NOD2: variants seen among roughly 807,000 people sequenced by gnomAD.
The protein encoded by NOD2 is nucleotide binding oligomerization domain containing 2.
Under a neutral mutation model 90.9 loss-of-function variants are expected in NOD2, and 86 were observed. That is an observed-to-expected ratio of 0.95 (90% CI 0.79 to 1.13). The LOEUF (loss-of-function observed/expected upper bound fraction) is 1.13, where lower values mean the gene tolerates loss of function less well. NOD2 is among the 50% of genes most tolerant of loss of function. The pLI is 0.00. For synonymous variants in NOD2, 581 were observed against 554.6 expected (o/e 1.05, Z -0.67); for missense variants, 1,238 against 1,283.8 (o/e 0.96, Z 0.55).
At chr16:50,703,922 A>G (rs1354173460) in intron 2 of NOD2, among the ~76,000 whole-genome samples, 3 of 152,264 alleles carry the variant, frequency 2.0e-5, no homozygotes, top group South Asian at 2.1e-4. Context: ...CTGTGTCCGG[A>G]GGAAAATGGC....
chr16:50,710,040 G>A, intron 3 of NOD2: 1 of 456,012 alleles, frequency 2.2e-6, no homozygotes, highest in Non-Finnish European at 4.4e-6. Flanking sequence ...CAGAGACTGG[G>A]CTCCTGAGCC....
chr16:50,704,145 A>C (rs1687490205), intron 2 of NOD2, among the ~76,000 whole-genome samples: 1 of 152,218 alleles, frequency 6.6e-6, no homozygotes, highest in African/African-American at 2.4e-5. Context: ...CTGGACATCT[A>C]GGAGATAACT....
chr16:50,724,725 A>G (rs1469778553), intron 9 of NOD2, among the ~76,000 whole-genome samples: 1 of 152,260 alleles, frequency 6.6e-6, no homozygotes, highest in Non-Finnish European at 1.5e-5. Flanking sequence ...CAAAGTACAG[A>G]GGCAGTCTCA....
Position 50,697,807 on chromosome 16 carries a change from G to A in NOD2, c.-8-1681G>A, listed in dbSNP as rs8061316. 1,690 of 215,248 alleles carry A rather than the reference G, an allele frequency of 7.9e-3. 39 individuals are homozygous for A. The highest frequency in any genetic ancestry group is 0.037 in the African/African-American group (1,599 of 43,164). 13.3% of individuals were successfully genotyped at this position (215,248 alleles called of 1,614,324 possible). A position where few individuals can be genotyped will look rare whatever the true frequency, so the allele number is the denominator to read the frequency against. ...ACAGGGCCCCCTGTGCCCCAGCAGC[G>A]TTCTGAGAGATTGGAGCTTTCTCCT... On this transcript the variant is annotated intron_variant, in intron 1 of 11. Coordinates refer to ENST00000647318, the MANE Select transcript of NOD2 (RefSeq NM_001370466.1).
rs188746777 is a variant in NOD2 at position 50,726,555 on chromosome 16, C to T, written c.2885+983C>T. Among the ~76,000 whole-genome samples, 821 of 152,292 alleles carry T rather than the reference C, an allele frequency of 5.4e-3. 7 individuals are homozygous for T. The highest frequency in any genetic ancestry group is 8.7e-3 in the Non-Finnish European group (592 of 68,028). ...AGCCCGGATGTGTCTGAGCCAGATGCCAGCTTTGCACTGAGGGTCGGCCTT... is the reference window on the plus strand; with the variant it reads ...AGCCCGGATGTGTCTGAGCCAGATGTCAGCTTTGCACTGAGGGTCGGCCTT... On this transcript the variant is annotated intron_variant, in intron 10 of 11. Transcript: ENST00000647318.
At position 50,699,789 on chromosome 16, in the gene NOD2, C is replaced by T. The variant is rs764929082; in HGVS notation, c.294C>T (p.Pro98=). ...CCAAGCTGCATGGCTGCTGGGACCC[C>T]CACTCGCTCCACCCAGCCCGAGACC... ...QSPKLHGCWD[P]HSLHPARDLQ... is the part of the protein sequence containing the mutation. The change falls in exon 2 of 12, where the codon CCC becomes CCT. Residue 98 remains proline, a synonymous_variant. Coordinates refer to ENST00000647318, the MANE Select transcript of NOD2 (RefSeq NM_001370466.1). 5 of 1,613,774 alleles carry T rather than the reference C, an allele frequency of 3.1e-6. No homozygotes were observed. The highest frequency in any genetic ancestry group is 1.6e-4 in the Middle Eastern group (1 of 6,062).
chr16:50,716,070 G>A (rs1351618391), intron 4 of NOD2, among the ~76,000 whole-genome samples: 1 of 152,156 alleles, frequency 6.6e-6, no homozygotes, highest in Non-Finnish European at 1.5e-5. Flanking sequence ...TGCCATTGGG[G>A]TTAAGGACTG....
In NOD2 at chr16:50,711,957, G is replaced by T. The variant is rs149002807; in HGVS notation, c.1965G>T (p.Leu655Phe). 1.9e-4 allele frequency: 312 copies of T among 1,613,164 alleles called. No individual in the cohort carries two copies. The highest frequency in any genetic ancestry group is 1.8e-3 in the Middle Eastern group (11 of 6,058). ...QITAAFLAGL[L>F]SREHWGLLAE... ...CAGCAGCCTTCCTGGCAGGGCTGTTGTCCCGGGAGCACTGGGGCCTGCTGG... is the reference window on the plus strand; with the variant it reads ...CAGCAGCCTTCCTGGCAGGGCTGTTTTCCCGGGAGCACTGGGGCCTGCTGG... The change falls in exon 4 of 12, where the codon TTG (leucine) becomes TTT (phenylalanine). Residue 655 changes from leucine to phenylalanine, a missense_variant. Leu to Phe is a conservative substitution (Grantham distance 22). Coordinates refer to ENST00000647318, the MANE Select transcript of NOD2 (RefSeq NM_001370466.1).
intron 3 of NOD2, 94 bp downstream of exon 3, chr16:50,708,054 G>C: frequency 1.2e-6 from 1 of 864,764 alleles, no homozygotes; most frequent in South Asian, 1.3e-5. Context: ...CATCCCATAT[G>C]CTGGCAGTAT....
At chr16:50,704,895 T>C (rs1485193546) in intron 2 of NOD2, among the ~76,000 whole-genome samples, 2 of 152,250 alleles carry the variant, frequency 1.3e-5, no homozygotes, top group East Asian at 1.9e-4. Context: ...ATTTCAATTA[T>C]GTGCCTTGGT....
chr16:50,728,342 C>T, intron 10 of NOD2: 1 of 388,352 alleles, frequency 2.6e-6, no homozygotes. Context: ...GTTCCTGGGC[C>T]AAATGCATTG....
chr16:50,719,475 C>T (rs923939609), intron 6 of NOD2, among the ~76,000 whole-genome samples: 4 of 152,180 alleles, frequency 2.6e-5, no homozygotes, highest in Non-Finnish European at 4.4e-5. Flanking sequence ...GGGCCCCACC[C>T]CTCCCTCCAG....
Position 50,712,180 on chromosome 16 carries a change from A to G in NOD2, c.2188A>G (p.Lys730Glu). 1 of 1,613,928 alleles carries G rather than the reference A, an allele frequency of 6.2e-7. No homozygotes were observed. ...GATGCAGGAGGAGCGGCTGGCTCGG[A>G]AGGCTGCACGTGGCCTGAATGTTGG... ...YEMQEERLAR[K>E]AARGLNVGHL... The change falls in exon 4 of 12, where the codon AAG becomes GAG. Residue 730 changes from lysine to glutamate, a missense_variant. Lys to Glu is a moderately conservative substitution (Grantham distance 56). This residue lies in a region of NOD2 where 667 missense variants were observed against 688.7 expected (regional missense o/e 0.97). Transcript: ENST00000647318.
chr16:50,713,955 A>G (rs924512878), intron 4 of NOD2, among the ~76,000 whole-genome samples: 3 of 152,206 alleles, frequency 2.0e-5, no homozygotes, highest in Non-Finnish European at 4.4e-5. Context: ...GGATCTGGCC[A>G]GGCAAATGGA....
At chr16:50,729,148 TTACTG>T in intron 10 of NOD2, 1 of 153,436 alleles carries the variant, frequency 6.5e-6, no homozygotes, top group Non-Finnish European at 1.5e-5. Context: ...TGAAACTTAT[TTACTG>T]TAATGAGAAC....
In NOD2 at chr16:50,710,893, G is replaced by A. The variant is rs1219198542; in HGVS notation, c.901G>A (p.Val301Ile). The A allele has an allele frequency of 1.2e-6, 2 of 1,614,016 alleles. No homozygotes were observed. The highest frequency in any genetic ancestry group is 2.7e-5 in the African/African-American group (2 of 74,930). ...GCAAGACTTCCAGGAATTTCTCTTT[G>A]TCTTCCCATTCAGCTGCCGGCAGCT... ...AGQDFQEFLF[V>I]FPFSCRQLQC... Residue 301 changes from valine to isoleucine, a missense_variant, in exon 4 of 12, where the codon GTC becomes ATC. Around this residue, in one of 3 missense-constraint regions of NOD2, gnomAD observed 567 missense variants for 577.3 expected, o/e 0.98. Coordinates refer to ENST00000647318, the MANE Select transcript of NOD2 (RefSeq NM_001370466.1).
chr16:50,719,680 T>A (rs1596891506), intron 6 of NOD2: 2 of 641,304 alleles, frequency 3.1e-6, no homozygotes, highest in East Asian at 6.1e-5. Context: ...CTGTGGCTCC[T>A]GCCTGGAATT....
intron 4 of NOD2, chr16:50,712,636 G>A (rs183358340): frequency 3.7e-6 from 2 of 542,256 alleles, no homozygotes; most frequent in East Asian, 3.2e-5. Flanking sequence ...CCACCCTGGC[G>A]GGTAGGCAGG....
In NOD2 at chr16:50,704,575, C is replaced by T. The variant is rs538683687; in HGVS notation, c.460-3280C>T. ...TTGAGACAGTGTCTCACTCTGTCAC[C>T]CAGGCTGGAATGCAGTAGTGTGATC... On this transcript the variant is annotated intron_variant, in intron 2 of 11. Transcript: ENST00000647318. 9.2e-5 allele frequency among the ~76,000 whole-genome samples: 14 copies of T among 151,886 alleles called. No homozygotes were observed. The South Asian group carries it at 2.9e-3, about 32-fold the overall frequency.
Sources: gnomAD v4.1 joint callset for allele counts (sites outside exome capture counted in the v4.1 genomes callset) on GRCh38, gnomAD v4.1.1 for gene constraint, gnomAD v4.1.1 regional missense constraint, MANE v1.5 for transcripts, NCBI Gene and HGNC (gene_info 2026-07-23, HGNC 2026-07-21) for gene names.